Variants in ASCC3 observed in about 807,000 individuals in gnomAD.
ASCC3 encodes the protein activating signal cointegrator 1 complex subunit 3.
A neutral mutation model predicts 256.3 loss-of-function variants in ASCC3; 158 were observed. The observed-to-expected ratio is 0.62, with a 90% CI of 0.54 to 0.70. The LOEUF (loss-of-function observed/expected upper bound fraction) is 0.70. Among genes scored for constraint, ASCC3 ranks in the 30% least tolerant of loss-of-function variants. The pLI, the probability that ASCC3 is intolerant of heterozygous loss-of-function variation, is 0.00. For missense variants in ASCC3, 2,259 were observed against 2,626.0 expected (o/e 0.86, Z 3.05); for synonymous variants, 948 against 883.4 (o/e 1.07, Z -1.30).
intron 13 of ASCC3, among the ~76,000 whole-genome samples, chr6:100,692,904 A>G (rs1554215580): frequency 6.6e-6 from 1 of 152,090 alleles, no homozygotes; most frequent in Non-Finnish European, 1.5e-5. Flanking sequence ...TCTTTGAAAT[A>G]CTTTTTTTAT....
chr6:100,511,541 G>A (rs1220215044), intron 40 of ASCC3, among the ~76,000 whole-genome samples: 1 of 152,158 alleles, frequency 6.6e-6, no homozygotes, highest in African/African-American at 2.4e-5. Flanking sequence ...AGATGAGCTG[G>A]TCAACATGGT....
rs995886837 is a variant in ASCC3 at position 100,778,284 on chromosome 6, T to C, written c.1396-10939A>G. 3.9e-5 allele frequency among the ~76,000 whole-genome samples: 6 copies of C among 152,244 alleles called. No homozygotes were observed. In the South Asian group the frequency reaches 6.2e-4, roughly 16 times the overall value. ...CAATTACATCAGAATTTGAAAGTCA[T>C]GGAAAGGTCAAGGATTTTTAAAAAT... On this transcript the variant is annotated intron_variant, in intron 8 of 41. Coordinates refer to ENST00000369162, the MANE Select transcript of ASCC3 (RefSeq NM_006828.4).
At chr6:100,810,858 A>G (rs181764364) in intron 4 of ASCC3, among the ~76,000 whole-genome samples, 1 of 152,300 alleles carries the variant, frequency 6.6e-6, no homozygotes, top group Admixed American at 6.5e-5. Flanking sequence ...AATCTACATT[A>G]AGATTCCTAA....
In ASCC3 at chr6:100,602,265, A is replaced by C. The variant is rs189617140; in HGVS notation, c.5178-330T>G. On this transcript the variant is annotated intron_variant, in intron 33 of 41. Transcript: ENST00000369162. ...ATGTTATAATTTTCATTTAAATGTGAATAAAAAGTGGGCTAGTTAGAATGT... is the reference window on the plus strand; with the variant it reads ...ATGTTATAATTTTCATTTAAATGTGCATAAAAAGTGGGCTAGTTAGAATGT... Among the ~76,000 whole-genome samples, 453 of 152,080 alleles carry C rather than the reference A, an allele frequency of 3.0e-3. 3 individuals carry two copies. Among genetic ancestry groups the C allele is most frequent in the Middle Eastern group, 0.017 (5 of 294 alleles).
chr6:100,670,833 A>G (rs182169767), intron 14 of ASCC3, among the ~76,000 whole-genome samples: 1 of 152,022 alleles, frequency 6.6e-6, no homozygotes, highest in African/African-American at 2.4e-5. Flanking sequence ...AATTTTTCTA[A>G]TGTATATCAT....
intron 4 of ASCC3, among the ~76,000 whole-genome samples, chr6:100,809,663 G>A (rs1385516269): frequency 1.3e-5 from 2 of 152,058 alleles, no homozygotes; most frequent in Non-Finnish European, 2.9e-5. Flanking sequence ...GCATAAAGAG[G>A]TTCTGAGATC....
In ASCC3 at chr6:100,729,865, G is replaced by A. The variant is rs552224966; in HGVS notation, c.1738-4162C>T. On this transcript the variant is annotated intron_variant, in intron 10 of 41. Coordinates refer to ENST00000369162, the MANE Select transcript of ASCC3 (RefSeq NM_006828.4). Reference sequence around the variant, plus strand: ...CTGTAGAAAACCGGGAGCAAACTGTGTAATCACATATGTGACTTTTTTAAA... The same window carrying A: ...CTGTAGAAAACCGGGAGCAAACTGTATAATCACATATGTGACTTTTTTAAA... Among the ~76,000 whole-genome samples the A allele has an allele frequency of 3.3e-5, 5 of 152,232 alleles. No individual in the cohort carries two copies. The East Asian group carries it at 7.7e-4, about 24-fold the overall frequency.
chr6:100,678,443 T>C (rs959590448), intron 14 of ASCC3, among the ~76,000 whole-genome samples: 3 of 147,832 alleles, frequency 2.0e-5, no homozygotes, highest in African/African-American at 8.0e-5. Flanking sequence ...ATAAATTTTG[T>C]GTTTCTAAAT....
intron 10 of ASCC3, among the ~76,000 whole-genome samples, chr6:100,726,563 T>C (rs947249566): frequency 9.9e-5 from 15 of 152,042 alleles, no homozygotes; most frequent in African/African-American, 3.6e-4. Flanking sequence ...CAGAAAGTTC[T>C]AGATTCTGAA....
chr6:100,617,963 G>A (rs1284517388), intron 30 of ASCC3, among the ~76,000 whole-genome samples: 1 of 152,160 alleles, frequency 6.6e-6, no homozygotes, highest in Admixed American at 6.5e-5. Flanking sequence ...CAGTCTCTGT[G>A]GGTTTTACAG....
chr6:100,637,705 C>T (rs931845434), intron 25 of ASCC3, among the ~76,000 whole-genome samples: 7 of 151,954 alleles, frequency 4.6e-5, no homozygotes, highest in Non-Finnish European at 1.0e-4. Flanking sequence ...AAGTTGATTC[C>T]ACCCTTCACG....
chr6:100,805,646 T>C (rs1239116290), intron 5 of ASCC3, 114 bp downstream of exon 5: 4 of 1,228,708 alleles, frequency 3.3e-6, no homozygotes, highest in South Asian at 1.4e-5. Context: ...CAGAGTAATA[T>C]CAGTAAATTA....
chr6:100,754,682 G>C (rs983511273), intron 10 of ASCC3, among the ~76,000 whole-genome samples: 2 of 151,994 alleles, frequency 1.3e-5, no homozygotes, highest in Admixed American at 6.6e-5. Flanking sequence ...TTGAGTTTTA[G>C]ATCAGTTGTT....
At chr6:100,602,794 T>C (rs771614249) in intron 33 of ASCC3, among the ~76,000 whole-genome samples, 5 of 152,074 alleles carry the variant, frequency 3.3e-5, no homozygotes, top group Non-Finnish European at 5.9e-5. Context: ...TAGTTTCTTA[T>C]GTTAAATATA....
intron 10 of ASCC3, among the ~76,000 whole-genome samples, chr6:100,763,098 G>A (rs1482864817): frequency 6.6e-6 from 1 of 152,128 alleles, no homozygotes; most frequent in Non-Finnish European, 1.5e-5. Flanking sequence ...AAAAAAAGTT[G>A]AATATGTATG....
chr6:100,807,714 C>G (rs960085305), intron 4 of ASCC3, among the ~76,000 whole-genome samples: 1 of 151,596 alleles, frequency 6.6e-6, no homozygotes, highest in African/African-American at 2.4e-5. Flanking sequence ...TAAGAATGTC[C>G]GTAAGTAATG....
At chr6:100,654,120 CA>C (rs1239715087) in intron 17 of ASCC3, among the ~76,000 whole-genome samples, 1 of 151,942 alleles carries the variant, frequency 6.6e-6, no homozygotes, top group East Asian at 1.9e-4. Flanking sequence ...TCAGCAAATA[CA>C]AAAAGTCTTA....
At chr6:100,680,438 C>G (rs570590350) in intron 13 of ASCC3, among the ~76,000 whole-genome samples, 225 of 152,298 alleles carry the variant, frequency 1.5e-3, no homozygotes, top group Non-Finnish European at 2.5e-3. Flanking sequence ...TGCCTTTGCT[C>G]CCTGTCAGTA....
intron 36 of ASCC3, among the ~76,000 whole-genome samples, chr6:100,549,150 C>T (rs1333500702): frequency 6.6e-6 from 1 of 151,778 alleles, no homozygotes; most frequent in Admixed American, 6.6e-5. Context: ...TACAAAGGCC[C>T]TCTAATGAGA....
Sources: allele counts gnomAD v4.1 joint callset (sites outside exome capture counted in the v4.1 genomes callset), GRCh38; gene constraint gnomAD v4.1.1; transcripts MANE v1.5; gene names NCBI Gene and HGNC (gene_info 2026-07-23, HGNC 2026-07-21).